Variants in TAFA1 observed in about 807,000 individuals in gnomAD.
TAFA1 encodes the protein TAFA chemokine like family member 1.
A neutral mutation model predicts 18.5 loss-of-function variants in TAFA1; 4 were observed. The observed-to-expected ratio is 0.22, with a 90% CI of 0.11 to 0.49. The LOEUF is 0.49. TAFA1 is among the 20% of genes least tolerant of loss of function. The pLI is 0.98. For synonymous variants in TAFA1, 56 were observed against 55.2 expected (o/e 1.01, Z -0.06); for missense variants, 147 against 169.0 (o/e 0.87, Z 0.72).
At chr3:68,357,523 C>T (rs1173850921) in intron 2 of TAFA1, among the ~76,000 whole-genome samples, 1 of 151,870 alleles carries the variant, frequency 6.6e-6, no homozygotes, top group African/African-American at 2.4e-5. Flanking sequence ...TGTGTACTTT[C>T]AGGCCATTTC....
intron 2 of TAFA1, among the ~76,000 whole-genome samples, chr3:68,128,676 G>T (rs1286767781): frequency 6.6e-6 from 1 of 152,178 alleles, no homozygotes; most frequent in Non-Finnish European, 1.5e-5. Flanking sequence ...GATATGCTCT[G>T]TGGAGAGGAA....
intron 2 of TAFA1, among the ~76,000 whole-genome samples, chr3:68,328,308 G>A (rs2068809157): frequency 6.6e-6 from 1 of 152,120 alleles, no homozygotes; most frequent in Admixed American, 6.5e-5. Flanking sequence ...TCATAAAATT[G>A]CTTTTGATGT....
chr3:68,508,885 C>T (rs989688950), intron 3 of TAFA1, among the ~76,000 whole-genome samples: 4 of 151,660 alleles, frequency 2.6e-5, no homozygotes, highest in Non-Finnish European at 5.9e-5. Context: ...AGAAGGCTGG[C>T]CAAGTAAATG....
chr3:68,235,939 G>C (rs1432866122), intron 2 of TAFA1, among the ~76,000 whole-genome samples: 1 of 152,130 alleles, frequency 6.6e-6, no homozygotes, highest in African/African-American at 2.4e-5. Flanking sequence ...ACTCTGAAAT[G>C]AGCACCATTC....
intron 3 of TAFA1, among the ~76,000 whole-genome samples, chr3:68,456,495 T>C (rs1480754001): frequency 1.3e-5 from 2 of 152,202 alleles, no homozygotes. Context: ...TTGCTTCTCC[T>C]GTTATCTTGA....
chr3:68,232,322 C>G (rs569360354), intron 2 of TAFA1, among the ~76,000 whole-genome samples: 53 of 152,298 alleles, frequency 3.5e-4, no homozygotes, highest in African/African-American at 1.2e-3. Context: ...TGGTATTTAT[C>G]TTTCTGTGCC....
At chr3:68,086,256 T>G (rs140163213) in intron 2 of TAFA1, among the ~76,000 whole-genome samples, 1,878 of 152,290 alleles carry the variant, frequency 0.012, 46 homozygotes, top group African/African-American at 0.043. Flanking sequence ...TTGAGGGCAT[T>G]TGGTCATTGA....
intron 2 of TAFA1, among the ~76,000 whole-genome samples, chr3:68,200,203 A>C (rs1586818): frequency 0.68 from 102,861 of 151,260 alleles, 35,391 homozygotes; most frequent in South Asian, 0.78. Context: ...ATTATAGTGC[A>C]TAATTCTTTT....
intron 3 of TAFA1, among the ~76,000 whole-genome samples, chr3:68,450,788 G>A (rs2071556155): frequency 6.6e-6 from 1 of 152,156 alleles, no homozygotes; most frequent in Non-Finnish European, 1.5e-5. Context: ...CTTACTACAT[G>A]ACTCTAGTAA....
At chr3:68,360,549 G>A (rs1455473829) in intron 2 of TAFA1, among the ~76,000 whole-genome samples, 1 of 151,906 alleles carries the variant, frequency 6.6e-6, no homozygotes, top group Non-Finnish European at 1.5e-5. Flanking sequence ...ATGTCATTTA[G>A]TATGGTTGTT....
chr3:68,200,231 T>C (rs982445844), intron 2 of TAFA1, among the ~76,000 whole-genome samples: 2 of 151,616 alleles, frequency 1.3e-5, no homozygotes, highest in African/African-American at 4.8e-5. Flanking sequence ...TGAATTTGAT[T>C]GGATAATTTC....
intron 2 of TAFA1, among the ~76,000 whole-genome samples, chr3:68,076,666 C>T (rs1433784482): frequency 6.6e-6 from 1 of 152,266 alleles, no homozygotes; most frequent in Non-Finnish European, 1.5e-5. Context: ...TATAGTATTC[C>T]ATGGTGTATA....
At chr3:68,315,881 A>G (rs1014381390) in intron 2 of TAFA1, among the ~76,000 whole-genome samples, 2 of 152,190 alleles carry the variant, frequency 1.3e-5, no homozygotes, top group Non-Finnish European at 2.9e-5. Context: ...TGGTTGACAA[A>G]TGGGTTTAAC....
intron 2 of TAFA1, among the ~76,000 whole-genome samples, chr3:68,057,732 T>C (rs901853097): frequency 2.6e-5 from 4 of 152,284 alleles, no homozygotes; most frequent in Middle Eastern, 3.4e-3. Flanking sequence ...ATTACAAGAA[T>C]TCTTGTAAGT....
intron 2 of TAFA1, among the ~76,000 whole-genome samples, chr3:68,410,728 A>G (rs927005453): frequency 6.8e-6 from 1 of 146,994 alleles, no homozygotes; most frequent in African/African-American, 2.6e-5. Flanking sequence ...AAAAAAAAAA[A>G]AAAAAGGAAG....
At chr3:68,371,867 G>C (rs1214143594) in intron 2 of TAFA1, among the ~76,000 whole-genome samples, 1 of 152,170 alleles carries the variant, frequency 6.6e-6, no homozygotes, top group African/African-American at 2.4e-5. Flanking sequence ...GGTGCTACTG[G>C]TCAGTGTCAG....
chr3:68,520,197 A>AT (rs1205005190), intron 3 of TAFA1, among the ~76,000 whole-genome samples: 1 of 151,964 alleles, frequency 6.6e-6, no homozygotes, highest in African/African-American at 2.4e-5. Context: ...ATGAGAAAAA[A>AT]TTTTTTTCTT....
chr3:68,419,363 A>T (rs969501566), intron 3 of TAFA1, among the ~76,000 whole-genome samples: 1 of 152,162 alleles, frequency 6.6e-6, no homozygotes, highest in Non-Finnish European at 1.5e-5. Context: ...CGAGGCTTGG[A>T]AGGGTTGAAT....
chr3:68,108,894 A>G (rs2065233844), intron 2 of TAFA1, among the ~76,000 whole-genome samples: 1 of 152,132 alleles, frequency 6.6e-6, no homozygotes, highest in African/African-American at 2.4e-5. Flanking sequence ...AGTGACTTAT[A>G]CATATATATG....
Sources: allele counts gnomAD v4.1 joint callset (sites outside exome capture counted in the v4.1 genomes callset), GRCh38; gene constraint gnomAD v4.1.1; transcripts MANE v1.5; gene names NCBI Gene and HGNC (gene_info 2026-07-23, HGNC 2026-07-21).